MLXIPL: variants seen among roughly 807,000 people sequenced by gnomAD.
MLXIPL encodes the protein MLX interacting protein like.
In MLXIPL, 49 loss-of-function variants were observed where a neutral mutation model predicts 81.5. The ratio of observed to expected loss-of-function variants is 0.60; its 90% confidence interval spans 0.48 to 0.76. The LOEUF is 0.76. Ranked by LOEUF, MLXIPL falls within the 30% of genes least tolerant of loss-of-function variation. MLXIPL has a pLI of 0.00. For synonymous variants in MLXIPL, 466 were observed against 485.5 expected (o/e 0.96, Z 0.53); for missense variants, 1,053 against 1,167.0 (o/e 0.90, Z 1.42).
At chr7:73,642,700 T>G in the MLXIPL span, among the ~76,000 whole-genome samples, 1 of 152,172 alleles carries the variant, frequency 6.6e-6, no homozygotes, top group African/African-American at 2.4e-5. Context: ...CTTGCCATGT[T>G]GCCCAGTCTG....
chr7:73,639,057 C>G, the MLXIPL span, among the ~76,000 whole-genome samples: 1 of 151,988 alleles, frequency 6.6e-6, no homozygotes, highest in Non-Finnish European at 1.5e-5. Context: ...TGGGCTGCAG[C>G]CTGTGGTGAG....
Position 73,597,719 on chromosome 7 carries a change from T to C in MLXIPL, c.1072-6A>G. On this transcript the variant is annotated splice_polypyrimidine_tract_variant and splice_region_variant and intron_variant, in intron 8 of 16. Transcript: ENST00000313375. ...CCAGGGCAGCTGTTCCGAGCCTGGT[T>C]GGGGGGACAGACAGACACTCAGAGA... The C allele has an allele frequency of 7.5e-7, 1 of 1,332,156 alleles. No individual in the cohort carries two copies. Among genetic ancestry groups the C allele is most frequent in the Non-Finnish European group, 9.6e-7 (1 of 1,043,982 alleles). 82.5% of individuals were successfully genotyped at this position (1,332,156 alleles called of 1,614,324 possible). A position where few individuals can be genotyped will look rare whatever the true frequency, so the allele number is the denominator to read the frequency against.
At position 73,596,320 on chromosome 7, in the gene MLXIPL, C is replaced by G; in HGVS notation, c.1938+44G>C. The G allele has an allele frequency of 6.2e-7, 1 of 1,610,778 alleles. No homozygotes were observed. The highest frequency in any genetic ancestry group is 8.5e-7 in the Non-Finnish European group (1 of 1,179,492). The stretch of plus-strand genomic sequence containing the variant: ...GAGCCTAGGAAGGAGCCCAGGAGGG[C>G]CTGGGGGTAGCAAACCGATCTTGGG... On this transcript the variant is annotated intron_variant, in intron 12 of 16. Coordinates refer to ENST00000313375, the MANE Select transcript of MLXIPL (RefSeq NM_032951.3). This position sits in a 1 kb window ranked among gnomAD's most constrained non-coding sequence, Gnocchi z 4.7.
intron 1 of MLXIPL, among the ~76,000 whole-genome samples, chr7:73,620,017 C>T (rs1307942384): frequency 6.6e-6 from 1 of 152,104 alleles, no homozygotes; most frequent in Middle Eastern, 3.2e-3. Flanking sequence ...GGCCTGTAAC[C>T]TAAGCACTTT....
intron 2 of MLXIPL, among the ~76,000 whole-genome samples, chr7:73,613,472 G>A (rs781862587): frequency 6.6e-5 from 10 of 152,008 alleles, no homozygotes; most frequent in African/African-American, 1.5e-4. Context: ...GGTGGCATGC[G>A]CCTGTAGTCC....
intron 2 of MLXIPL, chr7:73,609,479 C>T (rs971468723): frequency 6.6e-6 from 1 of 152,098 alleles, no homozygotes; most frequent in African/African-American, 2.4e-5. Context: ...CTCCTGACCT[C>T]AAATGATCCC....
intron 7 of MLXIPL, among the ~76,000 whole-genome samples, chr7:73,603,666 G>A (rs150835565): frequency 5.9e-5 from 9 of 152,328 alleles, no homozygotes; most frequent in Non-Finnish European, 1.3e-4. Context: ...CAGGGGCTTC[G>A]ATGAGACGGG....
chr7:73,631,700 C>A, the MLXIPL span, among the ~76,000 whole-genome samples: 7 of 150,108 alleles, frequency 4.7e-5, no homozygotes, highest in Non-Finnish European at 8.9e-5. Context: ...AGTCACTGTG[C>A]CTGGTCAAAT....
At chr7:73,618,611 C>T (rs1457609258) in intron 1 of MLXIPL, among the ~76,000 whole-genome samples, 2 of 152,036 alleles carry the variant, frequency 1.3e-5, no homozygotes, top group Non-Finnish European at 2.9e-5. Flanking sequence ...CCAGGGACAA[C>T]AGGCCTCATT....
intron 2 of MLXIPL, among the ~76,000 whole-genome samples, chr7:73,612,802 A>G (rs781843673): frequency 6.6e-6 from 1 of 152,026 alleles, no homozygotes; most frequent in Non-Finnish European, 1.5e-5. Context: ...TTTAACACTG[A>G]TAAGTTCTTC....
upstream of MLXIPL, among the ~76,000 whole-genome samples, chr7:73,629,276 G>C (rs1156943444): frequency 6.6e-6 from 1 of 151,900 alleles, no homozygotes; most frequent in Non-Finnish European, 1.5e-5. Flanking sequence ...TCCTAACCTC[G>C]TGATCCACCC....
chr7:73,600,829 C>T lies in MLXIPL; in HGVS notation c.902-1134G>A, dbSNP rs191897091. On this transcript the variant is annotated intron_variant, in intron 7 of 16. Transcript: ENST00000313375. ...AGGCAGTAGCGGATTGTTTGGGGTGCGGGTTGTGTAAGTCCTGGGCTATTC... is the reference window on the plus strand; with the variant it reads ...AGGCAGTAGCGGATTGTTTGGGGTGTGGGTTGTGTAAGTCCTGGGCTATTC... Among the ~76,000 whole-genome samples, 717 of 151,946 alleles carry T rather than the reference C, an allele frequency of 4.7e-3. 4 individuals are homozygous for T. Among genetic ancestry groups the T allele is most frequent in the African/African-American group, 0.017 (692 of 41,384 alleles).
chr7:73,599,408 C>G (rs1554595321), intron 8 of MLXIPL, 118 bp downstream of exon 8: 1 of 1,312,622 alleles, frequency 7.6e-7, no homozygotes, highest in African/African-American at 1.5e-5. Context: ...TCTTTCCCTC[C>G]AATCTCCAAG....
chr7:73,624,631 C>T (rs1000600628), upstream of MLXIPL: 65 of 1,370,904 alleles, frequency 4.7e-5, no homozygotes, highest in African/African-American at 8.1e-4. Flanking sequence ...CGGGGCGGGG[C>T]TTGTATTAGC....
chr7:73,594,422 G>A lies in MLXIPL; in HGVS notation c.2311-19C>T, dbSNP rs372461774. The A allele has an allele frequency of 6.3e-7, 1 of 1,599,848 alleles. No individual in the cohort carries two copies. The highest frequency in any genetic ancestry group is 8.5e-7 in the Non-Finnish European group (1 of 1,179,970). On this transcript the variant is annotated intron_variant, in intron 15 of 16. Coordinates refer to ENST00000313375, the MANE Select transcript of MLXIPL (RefSeq NM_032951.3). ...TGCTGAACTGGGCCCAGGTCAAGGA[G>A]CTGCCTGTGGTCCAGCTGGTCCCCC...
intron 7 of MLXIPL, among the ~76,000 whole-genome samples, chr7:73,604,634 C>T (rs990508084): frequency 2.0e-5 from 3 of 151,966 alleles, no homozygotes; most frequent in Non-Finnish European, 2.9e-5. Flanking sequence ...GGAATGTTCT[C>T]GGATAAAAGA....
the MLXIPL span, among the ~76,000 whole-genome samples, chr7:73,635,023 G>T: frequency 7.0e-6 from 1 of 143,278 alleles, no homozygotes; most frequent in Non-Finnish European, 1.5e-5. Flanking sequence ...ATTGGGTTTC[G>T]CCATGTTGGC....
At chr7:73,601,082 A>T (rs1347934950) in intron 7 of MLXIPL, among the ~76,000 whole-genome samples, 3 of 150,194 alleles carry the variant, frequency 2.0e-5, no homozygotes, top group African/African-American at 4.9e-5. Flanking sequence ...CTGCCAGGAG[A>T]GCTGCTCAAG....
At chr7:73,615,970 C>A in intron 2 of MLXIPL, 101 bp downstream of exon 2, 1 of 918,948 alleles carries the variant, frequency 1.1e-6, no homozygotes, top group Non-Finnish European at 1.8e-6. Context: ...GCCTTGAGGA[C>A]CCCGGGGATT....
Sources: allele counts gnomAD v4.1 joint callset (sites outside exome capture counted in the v4.1 genomes callset), GRCh38; gene constraint gnomAD v4.1.1; non-coding constraint Gnocchi (gnomAD v3.1); transcripts MANE v1.5; gene names NCBI Gene and HGNC (gene_info 2026-07-23, HGNC 2026-07-21).